Variants in SAMD5 observed in about 807,000 individuals in gnomAD.
SAMD5 encodes the protein sterile alpha motif domain-containing protein 5.
Under a neutral mutation model 11.3 loss-of-function variants are expected in SAMD5, and 13 were observed. The ratio of observed to expected loss-of-function variants is 1.15; its 90% CI spans 0.75 to 1.83. The LOEUF is 1.83. SAMD5 is among the 40% of genes most tolerant of loss of function. The pLI, the probability that SAMD5 is intolerant of heterozygous loss-of-function variation, is 0.00. For synonymous variants in SAMD5, 129 were observed against 111.3 expected (o/e 1.16, Z -1.00); for missense variants, 255 against 239.1 (o/e 1.07, Z -0.44).
chr6:147,655,248 A>C (rs1026256146), intron 1 of SAMD5, among the ~76,000 whole-genome samples: 29 of 152,206 alleles, frequency 1.9e-4, no homozygotes, highest in African/African-American at 7.0e-4. Flanking sequence ...TGTAAGTGTA[A>C]AAAGAACACT....
chr6:147,602,128 C>T (rs977096946), intron 1 of SAMD5, among the ~76,000 whole-genome samples: 1 of 152,204 alleles, frequency 6.6e-6, no homozygotes, highest in African/African-American at 2.4e-5. Flanking sequence ...TATCCTCACA[C>T]AGATTGAGAA....
chr6:147,560,065 G>C (rs1053166758), intron 1 of SAMD5, among the ~76,000 whole-genome samples: 53 of 152,324 alleles, frequency 3.5e-4, no homozygotes, highest in African/African-American at 1.2e-3. Context: ...ACTTAGTTTA[G>C]TGAAAAATTT....
At chr6:147,862,719 A>G in the SAMD5 span, among the ~76,000 whole-genome samples, 1 of 152,224 alleles carries the variant, frequency 6.6e-6, no homozygotes, top group Non-Finnish European at 1.5e-5. Context: ...GTACATTACT[A>G]TTAAACAGAA....
the SAMD5 span, among the ~76,000 whole-genome samples, chr6:147,892,330 A>T: frequency 1.8e-4 from 28 of 152,192 alleles, no homozygotes; most frequent in African/African-American, 6.8e-4. Context: ...TGAATGTAAA[A>T]ATTGGCTGCC....
the SAMD5 span, among the ~76,000 whole-genome samples, chr6:147,858,576 A>G: frequency 8.5e-5 from 13 of 152,192 alleles, no homozygotes; most frequent in African/African-American, 3.1e-4. Flanking sequence ...TCAATTCTCA[A>G]AAATGATAAA....
intron 1 of SAMD5, among the ~76,000 whole-genome samples, chr6:147,645,603 A>G (rs1790385517): frequency 6.6e-6 from 1 of 152,176 alleles, no homozygotes; most frequent in Non-Finnish European, 1.5e-5. Context: ...AGGTGTGTGA[A>G]TACTTTTCAT....
the SAMD5 span, among the ~76,000 whole-genome samples, chr6:147,839,472 G>A: frequency 4.6e-5 from 7 of 152,158 alleles, no homozygotes; most frequent in Admixed American, 2.0e-4. Context: ...ACTTGGGCCG[G>A]GCGCAATGGC....
rs191837093 is a variant in SAMD5 at position 147,633,672 on chromosome 6, C to G, written c.163-103645C>G. On this transcript the variant is annotated intron_variant, in intron 1 of 1. Transcript: ENST00000566741. ...AACCCAATCTGGTAATTTGTATATA[C>G]TTTTAAAATTTCAGATAATGCTTTT... Among the ~76,000 whole-genome samples the G allele has an allele frequency of 6.8e-4, 102 of 149,956 alleles. 1 individual carries two copies. The highest frequency in any genetic ancestry group is 2.3e-3 in the African/African-American group (94 of 40,866).
At chr6:147,563,695 G>T (rs541896119) in intron 1 of SAMD5, among the ~76,000 whole-genome samples, 5 of 152,216 alleles carry the variant, frequency 3.3e-5, no homozygotes, top group Admixed American at 6.5e-5. Context: ...ACCTATCAGA[G>T]CTTGGAGATA....
chr6:147,860,057 G>A, the SAMD5 span, among the ~76,000 whole-genome samples: 9 of 152,172 alleles, frequency 5.9e-5, no homozygotes, highest in South Asian at 4.1e-4. Flanking sequence ...GAAATTTATC[G>A]TCCCACAGTT....
At chr6:147,534,042 C>T (rs1663522866) in intron 1 of SAMD5, among the ~76,000 whole-genome samples, 1 of 148,388 alleles carries the variant, frequency 6.7e-6, no homozygotes. Context: ...GATTCTCAGC[C>T]TAGCCCATAA....
chr6:147,803,821 C>A, the SAMD5 span, among the ~76,000 whole-genome samples: 1 of 152,170 alleles, frequency 6.6e-6, no homozygotes, highest in Non-Finnish European at 1.5e-5. Context: ...CTTCCTCCAG[C>A]CTTTGTTACT....
At chr6:147,682,927 G>C (rs73011973) in intron 1 of SAMD5, among the ~76,000 whole-genome samples, 1 of 152,058 alleles carries the variant, frequency 6.6e-6, no homozygotes, top group Admixed American at 6.5e-5. Context: ...TAAAAATCCA[G>C]TGAAAAATAG....
chr6:147,632,465 T>G (rs1290361557), intron 1 of SAMD5, among the ~76,000 whole-genome samples: 2 of 151,950 alleles, frequency 1.3e-5, no homozygotes, highest in Non-Finnish European at 2.9e-5. Flanking sequence ...AGTATATGAG[T>G]CAGGTGTGAG....
intron 1 of SAMD5, among the ~76,000 whole-genome samples, chr6:147,696,129 C>T (rs1411078369): frequency 2.6e-5 from 4 of 151,906 alleles, no homozygotes; most frequent in African/African-American, 9.7e-5. Flanking sequence ...ACTGAGGAAC[C>T]CTACTTCTTC....
chr6:147,641,089 T>C (rs1283272204), intron 1 of SAMD5, among the ~76,000 whole-genome samples: 1 of 152,172 alleles, frequency 6.6e-6, no homozygotes. Context: ...TGATGGATAG[T>C]GATTGCTTTG....
At chr6:147,641,813 T>A (rs2128452418) in intron 1 of SAMD5, among the ~76,000 whole-genome samples, 1 of 152,280 alleles carries the variant, frequency 6.6e-6, no homozygotes, top group East Asian at 1.9e-4. Context: ...ATAACTTAAC[T>A]TTTAATGTTT....
intron 1 of SAMD5, among the ~76,000 whole-genome samples, chr6:147,590,653 T>C (rs1789439635): frequency 3.9e-5 from 6 of 152,174 alleles, no homozygotes; most frequent in Admixed American, 3.9e-4. Context: ...GTTCAAGTGA[T>C]CTGCCCGCCT....
chr6:147,699,439 T>C (rs551331150), intron 1 of SAMD5, among the ~76,000 whole-genome samples: 1 of 152,330 alleles, frequency 6.6e-6, no homozygotes, highest in Admixed American at 6.5e-5. Context: ...TGTTTAAGAA[T>C]TCTTGAATAT....
Sources: allele counts gnomAD v4.1 joint callset (sites outside exome capture counted in the v4.1 genomes callset), GRCh38; gene constraint gnomAD v4.1.1; transcripts MANE v1.5; gene names NCBI Gene and HGNC (gene_info 2026-07-23, HGNC 2026-07-21).